Variants in SAMD12 observed in about 807,000 individuals in gnomAD.
SAMD12 encodes sterile alpha motif domain-containing protein 12.
A neutral mutation model predicts 15.0 loss-of-function variants in SAMD12; 9 were observed. The ratio of observed to expected loss-of-function variants is 0.60; its 90% CI spans 0.36 to 1.05. The LOEUF (loss-of-function observed/expected upper bound fraction) is 1.05. Among genes scored for constraint, SAMD12 ranks in the 50% least tolerant of loss-of-function variants. The pLI, the probability that SAMD12 is intolerant of heterozygous loss-of-function variation, is 0.01. For missense variants in SAMD12, 230 were observed against 234.2 expected (o/e 0.98, Z 0.12); for synonymous variants, 86 against 90.1 (o/e 0.96, Z 0.25).
At chr8:118,320,820 AAT>A (rs556901289) in intron 4 of SAMD12, among the ~76,000 whole-genome samples, 21 of 123,092 alleles carry the variant, frequency 1.7e-4, no homozygotes, top group South Asian at 4.6e-4. Context: ...GTATAATAAA[AAT>A]ATATATATAT....
intron 2 of SAMD12, among the ~76,000 whole-genome samples, chr8:118,524,699 T>A (rs1264689936): frequency 6.6e-6 from 1 of 152,178 alleles, no homozygotes; most frequent in African/African-American, 2.4e-5. Flanking sequence ...ACCCTATTCC[T>A]CCTGCAGTTC....
intron 4 of SAMD12, among the ~76,000 whole-genome samples, chr8:118,370,519 G>C (rs1052512898): frequency 3.3e-5 from 5 of 152,156 alleles, no homozygotes; most frequent in Non-Finnish European, 7.3e-5. Flanking sequence ...CAACAGCAAA[G>C]AGATGGAGTC....
At chr8:118,284,480 A>T in intron 4 of SAMD12, 1 of 402,880 alleles carries the variant, frequency 2.5e-6, no homozygotes, top group Non-Finnish European at 5.0e-6. Flanking sequence ...TACACAAAGA[A>T]TCTGAAATAG....
At chr8:118,592,014 G>A (rs1827595181) in intron 1 of SAMD12, among the ~76,000 whole-genome samples, 1 of 152,096 alleles carries the variant, frequency 6.6e-6, no homozygotes, top group African/African-American at 2.4e-5. Flanking sequence ...ACATGTTTAA[G>A]GCCACCATAA....
intron 2 of SAMD12, among the ~76,000 whole-genome samples, chr8:118,547,750 T>C (rs546248357): frequency 6.6e-6 from 1 of 152,346 alleles, no homozygotes; most frequent in South Asian, 2.1e-4. Context: ...ATAAAATATG[T>C]ATTTTTCTAG....
chr8:118,502,060 C>G (rs912870304), intron 2 of SAMD12, among the ~76,000 whole-genome samples: 2 of 151,078 alleles, frequency 1.3e-5, no homozygotes, highest in Non-Finnish European at 2.9e-5. Flanking sequence ...TCTGATTCAG[C>G]AGGGCTAGGG....
At chr8:118,175,286 T>G in the SAMD12 span, among the ~76,000 whole-genome samples, 1 of 152,182 alleles carries the variant, frequency 6.6e-6, no homozygotes, top group African/African-American at 2.4e-5. Context: ...TATAACTGGA[T>G]AGCCATATGC....
At chr8:118,362,517 A>G (rs1391530258) in intron 4 of SAMD12, among the ~76,000 whole-genome samples, 1 of 152,240 alleles carries the variant, frequency 6.6e-6, no homozygotes, top group Non-Finnish European at 1.5e-5. Context: ...AACCAACCAC[A>G]TGATAGAAAT....
intron 2 of SAMD12, among the ~76,000 whole-genome samples, chr8:118,480,967 G>C (rs1824108245): frequency 1.3e-5 from 2 of 152,198 alleles, no homozygotes; most frequent in African/African-American, 4.8e-5. Flanking sequence ...TTTTGAGACA[G>C]AGTTTCACTC....
chr8:118,601,147 C>G (rs887987207), intron 1 of SAMD12, among the ~76,000 whole-genome samples: 1 of 151,992 alleles, frequency 6.6e-6, no homozygotes, highest in Non-Finnish European at 1.5e-5. Flanking sequence ...AAGGTGAATT[C>G]ATGAAGATTT....
the SAMD12 span, among the ~76,000 whole-genome samples, chr8:118,177,053 T>C: frequency 6.6e-6 from 1 of 152,056 alleles, no homozygotes; most frequent in East Asian, 1.9e-4. Flanking sequence ...TGGAGAATAG[T>C]AAGGTCCCAA....
chr8:118,392,189 G>C (rs1820313430), intron 3 of SAMD12, among the ~76,000 whole-genome samples: 1 of 152,248 alleles, frequency 6.6e-6, no homozygotes, highest in Non-Finnish European at 1.5e-5. Context: ...AGCACTTTGG[G>C]AGGCTGAGGC....
At chr8:118,288,027 A>G (rs901887438) in intron 4 of SAMD12, among the ~76,000 whole-genome samples, 4 of 152,200 alleles carry the variant, frequency 2.6e-5, no homozygotes, top group Non-Finnish European at 5.9e-5. Context: ...CCTTGGTACA[A>G]GGTGTCATGG....
chr8:118,538,192 CTCTT>C (rs1825898303), intron 2 of SAMD12, among the ~76,000 whole-genome samples: 1 of 151,214 alleles, frequency 6.6e-6, no homozygotes, highest in Non-Finnish European at 1.5e-5. Context: ...CTGTCTGTCT[CTCTT>C]TCTCTCTCTC....
intron 1 of SAMD12, among the ~76,000 whole-genome samples, chr8:118,592,570 T>G (rs1827609277): frequency 6.6e-6 from 1 of 152,242 alleles, no homozygotes; most frequent in South Asian, 2.1e-4. Flanking sequence ...TTAAAGCATA[T>G]TTAAAGTGTT....
chr8:118,134,956 C>T, the SAMD12 span, among the ~76,000 whole-genome samples: 1 of 152,140 alleles, frequency 6.6e-6, no homozygotes, highest in Non-Finnish European at 1.5e-5. Flanking sequence ...GGCAGATTCT[C>T]ATTTAGAATG....
At chr8:118,472,285 TAAA>T (rs573240063) in intron 2 of SAMD12, among the ~76,000 whole-genome samples, 2 of 138,122 alleles carry the variant, frequency 1.4e-5, no homozygotes, top group Non-Finnish European at 3.2e-5. Context: ...AGACTCCATC[TAAA>T]AAAAAAAAAA....
At chr8:118,530,969 T>C (rs1250545681) in intron 2 of SAMD12, among the ~76,000 whole-genome samples, 2 of 152,224 alleles carry the variant, frequency 1.3e-5, no homozygotes, top group African/African-American at 4.8e-5. Flanking sequence ...GGTTCCCAAG[T>C]AGCTAGGGCT....
intron 2 of SAMD12, among the ~76,000 whole-genome samples, chr8:118,568,872 G>A (rs183467084): frequency 6.6e-5 from 10 of 152,226 alleles, no homozygotes; most frequent in South Asian, 2.1e-4. Context: ...TCATAAATAC[G>A]CAATAGAACA....
Sources: gnomAD v4.1 joint callset for allele counts (sites outside exome capture counted in the v4.1 genomes callset) on GRCh38, gnomAD v4.1.1 for gene constraint, MANE v1.5 for transcripts, NCBI Gene and HGNC (gene_info 2026-07-23, HGNC 2026-07-21) for gene names.